COL6A3: variants seen among roughly 807,000 people sequenced by gnomAD.
The protein encoded by COL6A3 is collagen type VI alpha 3 chain.
Under a neutral mutation model 274.1 loss-of-function variants are expected in COL6A3, and 137 were observed. That is an observed-to-expected ratio of 0.50 (90% CI 0.44 to 0.58). COL6A3 has a LOEUF of 0.58. Among genes scored for constraint, COL6A3 ranks in the 20% least tolerant of loss-of-function variants. The pLI, the probability that COL6A3 is intolerant of heterozygous loss-of-function variation, is 0.00. For missense variants in COL6A3, 3,950 were observed against 4,124.9 expected, an observed-to-expected ratio of 0.96 and a Z score of 1.16; for synonymous variants, 1,650 against 1,650.6, an observed-to-expected ratio of 1.00 and a Z score of 0.01.
At chr2:237,396,586 A>G in intron 2 of COL6A3, 141 bp downstream of exon 2, 1 of 829,806 alleles carries the variant, frequency 1.2e-6, no homozygotes, top group Non-Finnish European at 2.1e-6. Flanking sequence ...TCCTAGAACT[A>G]TCCTATCTGA....
intron 3 of COL6A3, among the ~76,000 whole-genome samples, chr2:237,389,369 T>C (rs2078231600): frequency 6.6e-6 from 1 of 152,224 alleles, no homozygotes; most frequent in Non-Finnish European, 1.5e-5. Context: ...GAAGAGATTA[T>C]ATGTGAGCTT....
chr2:237,364,638 A>T lies in COL6A3; in HGVS notation c.5839-210T>A, dbSNP rs189159508. 1.5e-3 allele frequency among the ~76,000 whole-genome samples: 231 copies of T among 152,348 alleles called. 2 individuals are homozygous for T. The highest frequency in any genetic ancestry group is 5.2e-3 in the African/African-American group (215 of 41,586). ...TATATTTGAGTGCTTAATTTATTTT[A>T]AAAAAGACAAGCAGCAATGACAATA... On this transcript the variant is annotated intron_variant, in intron 12 of 43. Coordinates refer to ENST00000295550, the MANE Select transcript of COL6A3 (RefSeq NM_004369.4). This position sits in a 1 kb window ranked among gnomAD's most constrained non-coding sequence, Gnocchi z 4.6.
chr2:237,380,973 C>T lies in COL6A3; in HGVS notation c.1839G>A (p.Leu613=), dbSNP rs560375314. ...FIPAEFRAAP[L]QGMLPGLLAP... is the part of the protein sequence containing the mutation. ...CCAGCAAGCCAGGCAGCATGCCTTGCAATGGGGCGGCTCGGAACTCAGCTG... is the reference window on the plus strand; with the variant it reads ...CCAGCAAGCCAGGCAGCATGCCTTGTAATGGGGCGGCTCGGAACTCAGCTG... Residue 613 remains leucine (L), a synonymous_variant, in exon 5 of 44, where the codon TTG becomes TTA. Transcript: ENST00000295550. 5 of 1,614,184 alleles carry T rather than the reference C, an allele frequency of 3.1e-6. No individual in the cohort carries two copies. In the African/African-American group the frequency reaches 4.0e-5, roughly 13 times the overall value.
intron 4 of COL6A3, among the ~76,000 whole-genome samples, chr2:237,383,895 C>T (rs1371640822): frequency 1.3e-5 from 2 of 152,060 alleles, no homozygotes; most frequent in African/African-American, 4.8e-5. Context: ...TCCTTGCACC[C>T]AACAAGGATT....
chr2:237,325,351 C>G (rs1442520092), intron 43 of COL6A3, among the ~76,000 whole-genome samples: 3 of 152,102 alleles, frequency 2.0e-5, no homozygotes, highest in Non-Finnish European at 4.4e-5. Context: ...TGAAGAATGA[C>G]AAGGGACAAT....
chr2:237,384,020 A>G (rs532978804), intron 4 of COL6A3, among the ~76,000 whole-genome samples: 2 of 152,190 alleles, frequency 1.3e-5, no homozygotes, highest in Non-Finnish European at 2.9e-5. Context: ...ATGGGAGCTC[A>G]TGACAGATGA....
intron 1 of COL6A3, among the ~76,000 whole-genome samples, chr2:237,405,836 C>T (rs1252066147): frequency 1.3e-5 from 2 of 152,002 alleles, no homozygotes; most frequent in Admixed American, 6.5e-5. Context: ...TGGTGACACA[C>T]CACAGATTCT....
In COL6A3 at chr2:237,394,102, C is replaced by T. The variant is rs527521104; in HGVS notation, c.709+485G>A. On this transcript the variant is annotated intron_variant, in intron 3 of 43. Transcript: ENST00000295550. ...TTTCTTGTAATTCCGATTCTACCAA[C>T]ACTCTTAAATTAACTCCGTAAAGTA... 3.9e-5 allele frequency among the ~76,000 whole-genome samples: 6 copies of T among 152,328 alleles called. No individual in the cohort carries two copies. The South Asian group carries it at 6.2e-4, about 16-fold the overall frequency.
At chr2:237,404,898 C>T (rs943398734) in intron 1 of COL6A3, among the ~76,000 whole-genome samples, 3 of 152,140 alleles carry the variant, frequency 2.0e-5, no homozygotes, top group Admixed American at 2.0e-4. Context: ...ACTTTTAGTT[C>T]ATTGAAAATC....
At chr2:237,393,194 T>C (rs1025917373) in intron 3 of COL6A3, among the ~76,000 whole-genome samples, 1 of 152,204 alleles carries the variant, frequency 6.6e-6, no homozygotes, top group Non-Finnish European at 1.5e-5. Flanking sequence ...GGGAACTCCT[T>C]TGATCCTGGG....
chr2:237,411,538 T>C (rs1574788893), intron 1 of COL6A3, among the ~76,000 whole-genome samples: 1 of 152,212 alleles, frequency 6.6e-6, no homozygotes, highest in East Asian at 1.9e-4. Flanking sequence ...TGGGTTCCGT[T>C]CCTGAAACTA....
intron 1 of COL6A3, among the ~76,000 whole-genome samples, chr2:237,398,706 C>T (rs1472485938): frequency 6.6e-6 from 1 of 152,180 alleles, no homozygotes; most frequent in African/African-American, 2.4e-5. Context: ...GAACGAGAAG[C>T]TCATTTTCAT....
chr2:237,351,827 G>C (rs2077213182), intron 26 of COL6A3, among the ~76,000 whole-genome samples: 1 of 152,210 alleles, frequency 6.6e-6, no homozygotes, highest in Non-Finnish European at 1.5e-5. Flanking sequence ...GCTAGAGAAG[G>C]ACTTTCTAAG....
chr2:237,329,416 A>G (rs1303266743), intron 42 of COL6A3: 2 of 152,206 alleles, frequency 1.3e-5, no homozygotes, highest in African/African-American at 4.8e-5. Flanking sequence ...GATCTTGACC[A>G]ACAGACTTCT....
rs554983883 is a variant in COL6A3, at chr2:237,348,546, C to T, written c.6930+67G>A. On this transcript the variant is annotated intron_variant, in intron 29 of 43. Coordinates refer to ENST00000295550, the MANE Select transcript of COL6A3 (RefSeq NM_004369.4). The stretch of plus-strand genomic sequence containing the variant: ...GAAATAATTCTTTTAAAACACAACA[C>T]ATCAGAAGTTGTCCTTGGAGCCTCC... 2.5e-5 allele frequency: 37 copies of T among 1,490,754 alleles called. 2 individuals carry two copies. The South Asian group carries it at 3.9e-4, about 16-fold the overall frequency. The allele number at this position is 1,490,754 out of a possible 1,614,324, so 92.3% of individuals were successfully genotyped here.
In COL6A3 at chr2:237,381,246, G is replaced by T. The variant is rs771948237; in HGVS notation, c.1566C>A (p.Ala522=). The T allele has an allele frequency of 3.2e-5, 52 of 1,614,122 alleles. 1 individual carries two copies. Among genetic ancestry groups the T allele is most frequent in the East Asian group, 1.8e-4 (8 of 44,898 alleles). ...AGTCTAGAGCAGAGCCCGTGTACAG[G>T]GCCGAGCCGTCCAGGGGCTTCATTT... The part of the protein sequence containing the change: ...VRKMKPLDGS[A]LYTGSALDFV... Residue 522 remains alanine (A), a synonymous_variant, in exon 5 of 44, where the codon GCC becomes GCA. Coordinates refer to ENST00000295550, the MANE Select transcript of COL6A3 (RefSeq NM_004369.4).
rs376857848 is a variant in COL6A3, at chr2:237,397,864, A to C, written c.-30-1017T>G. 3.0e-4 allele frequency among the ~76,000 whole-genome samples: 45 copies of C among 152,370 alleles called. No homozygotes were observed. In the East Asian group the frequency reaches 3.5e-3, roughly 12 times the overall value. ...ACTATTACTTTGGCCACAGCTAAAA[A>C]GCTATGCAATTAAACCTTCTTTTCC... is the stretch of plus-strand genomic sequence containing the variant. On this transcript the variant is annotated intron_variant, in intron 1 of 43. Transcript: ENST00000295550.
Position 237,374,557 on chromosome 2 carries a change from G to C in COL6A3, c.3534C>G (p.Ile1178Met). The C allele has an allele frequency of 1.2e-6, 2 of 1,614,256 alleles. No homozygotes were observed. The highest frequency in any genetic ancestry group is 1.7e-6 in the Non-Finnish European group (2 of 1,180,048). ...GNADITEMQT[I>M]SFIPDFAVAI... ...CCACGGCAAAGTCCGGGATGAAGGA[G>C]ATGGTCTGCATCTCTGTGATGTCAG... is the stretch of plus-strand genomic sequence containing the variant. Residue 1178 changes from isoleucine to methionine, a missense_variant, in exon 8 of 44, where the codon ATC (isoleucine) becomes ATG (methionine). By Grantham distance (10) the Ile-to-Met change is conservative (BLOSUM62 1). Transcript: ENST00000295550. The surrounding 1 kb of genome is among the most constrained non-coding windows in gnomAD (Gnocchi z 4.8).
rs370146203 is a variant in COL6A3, at chr2:237,372,342, G to A, written c.3680-5C>T. ...CGTCCCTCTTGCCACCAACACCTGCGAAACAAATGTGAGCATGGCTTCACC... is the reference window on the plus strand; with the variant it reads ...CGTCCCTCTTGCCACCAACACCTGCAAAACAAATGTGAGCATGGCTTCACC... On this transcript the variant is annotated splice_region_variant and splice_polypyrimidine_tract_variant and intron_variant, in intron 8 of 43. Coordinates refer to ENST00000295550, the MANE Select transcript of COL6A3 (RefSeq NM_004369.4). 9.6e-5 allele frequency: 154 copies of A among 1,603,332 alleles called. No homozygotes were observed. In the African/African-American group the frequency reaches 9.6e-4, roughly 10 times the overall value.
Sources: allele counts gnomAD v4.1 joint callset (sites outside exome capture counted in the v4.1 genomes callset), GRCh38; gene constraint gnomAD v4.1.1; non-coding constraint Gnocchi (gnomAD v3.1); transcripts MANE v1.5; gene names NCBI Gene and HGNC (gene_info 2026-07-23, HGNC 2026-07-21).